Variants in LRCH3 observed in about 807,000 individuals in gnomAD.
LRCH3 encodes the protein DISP complex protein LRCH3.
A neutral mutation model predicts 104.5 loss-of-function variants in LRCH3; 68 were observed. The ratio of observed to expected loss-of-function variants is 0.65; its 90% CI spans 0.54 to 0.80. LRCH3 has a LOEUF of 0.80. Ranked by LOEUF, LRCH3 falls within the 30% of genes least tolerant of loss-of-function variation. LRCH3 has a pLI of 0.00. For synonymous variants in LRCH3, 344 were observed against 361.3 expected (o/e 0.95, Z 0.54); for missense variants, 951 against 953.9 (o/e 1.00, Z 0.04).
chr3:197,844,703 C>T (rs1274518093), intron 10 of LRCH3, among the ~76,000 whole-genome samples: 1 of 152,076 alleles, frequency 6.6e-6, no homozygotes, highest in Non-Finnish European at 1.5e-5. Flanking sequence ...CTGCAACCTC[C>T]ACCTCCCAGG....
chr3:197,856,000 A>G (rs1046786506), intron 14 of LRCH3, among the ~76,000 whole-genome samples: 6 of 152,164 alleles, frequency 3.9e-5, no homozygotes, highest in African/African-American at 7.2e-5. Context: ...CTCGTGCTCT[A>G]CTGCCTCCCT....
At chr3:197,829,020 T>C (rs1016204235) in intron 5 of LRCH3, among the ~76,000 whole-genome samples, 1 of 152,226 alleles carries the variant, frequency 6.6e-6, no homozygotes, top group Admixed American at 6.5e-5. Flanking sequence ...CATATGCTAC[T>C]CTTTATGGCA....
At chr3:197,797,494 A>G (rs1463238317) in intron 1 of LRCH3, among the ~76,000 whole-genome samples, 3 of 152,132 alleles carry the variant, frequency 2.0e-5, no homozygotes, top group Non-Finnish European at 4.4e-5. Flanking sequence ...AAAGGTGGAA[A>G]GAGGAATCAG....
Position 197,791,454 on chromosome 3 carries a change from C to T in LRCH3, c.176C>T (p.Thr59Ile), listed in dbSNP as rs1383657282. Reference protein sequence around the residue: ...LDRALEEAAVTGVLSLSGRKL... With the variant: ...LDRALEEAAVIGVLSLSGRKL... The stretch of plus-strand genomic sequence containing the variant: ...CGAGCCCTGGAGGAGGCGGCGGTCA[C>T]TGGGGTGCTGAGCCTGAGCGGCCGG... The change falls in exon 1 of 21, where the codon ACT becomes ATT. Residue 59 changes from threonine (T) to isoleucine (I), a missense_variant. Coordinates refer to ENST00000425562, the MANE Select transcript of LRCH3 (RefSeq NM_001365715.1). The T allele has an allele frequency of 3.1e-6, 5 of 1,599,436 alleles. No individual in the cohort carries two copies. The South Asian group carries it at 5.6e-5, about 18-fold the overall frequency.
intron 4 of LRCH3, among the ~76,000 whole-genome samples, chr3:197,826,220 A>T (rs1340739217): frequency 1.3e-5 from 2 of 152,198 alleles, no homozygotes; most frequent in African/African-American, 4.8e-5. Flanking sequence ...AAGGCCTTTT[A>T]TATGGGACTG....
chr3:197,801,808 A>C (rs1467195162), intron 1 of LRCH3, among the ~76,000 whole-genome samples: 3 of 152,234 alleles, frequency 2.0e-5, no homozygotes, highest in Admixed American at 6.5e-5. Context: ...GTCTGGACTC[A>C]GCTGAACTCA....
In LRCH3 at chr3:197,886,901, C is replaced by T. The variant is rs1291789862; in HGVS notation, c.*3235C>T. The stretch of plus-strand genomic sequence containing the variant: ...CATAATGCAATACTTGCAACATTTG[C>T]AACTAATTTTCCCATAGGGATAAAT... On this transcript the variant is annotated 3_prime_UTR_variant, in exon 21 of 21. Coordinates refer to ENST00000425562, the MANE Select transcript of LRCH3 (RefSeq NM_001365715.1). 2.0e-5 allele frequency: 3 copies of T among 151,222 alleles called. No individual in the cohort carries two copies. The highest frequency in any genetic ancestry group is 4.4e-5 in the Non-Finnish European group (3 of 67,914). 9.4% of individuals were successfully genotyped at this position (151,222 alleles called of 1,614,324 possible).
At position 197,883,089 on chromosome 3, in the gene LRCH3, A is replaced by C. The variant is rs894909719; in HGVS notation, c.2209-452A>C. On this transcript the variant is annotated intron_variant, in intron 20 of 20. Coordinates refer to ENST00000425562, the MANE Select transcript of LRCH3 (RefSeq NM_001365715.1). This position sits in a 1 kb window ranked among gnomAD's most constrained non-coding sequence, Gnocchi z 4.2. ...TCATGCAGGCTGAGTTATGTTTTCAAACTATCTTTCATTCTTGTGGTAGGG... is the reference window on the plus strand; with the variant it reads ...TCATGCAGGCTGAGTTATGTTTTCACACTATCTTTCATTCTTGTGGTAGGG... 3.9e-5 allele frequency: 38 copies of C among 985,880 alleles called. No individual in the cohort carries two copies. The highest frequency in any genetic ancestry group is 4.1e-5 in the Non-Finnish European group (34 of 830,388). The allele number at this position is 985,880 out of a possible 1,614,324, so 61.1% of individuals were successfully genotyped here.
chr3:197,880,066 C>T (rs1435798575), intron 20 of LRCH3, among the ~76,000 whole-genome samples: 3 of 151,148 alleles, frequency 2.0e-5, no homozygotes, highest in Non-Finnish European at 4.4e-5. Context: ...CTGCCTCAGC[C>T]TCCCGAGTAG....
intron 6 of LRCH3, among the ~76,000 whole-genome samples, chr3:197,830,012 C>CCCT (rs1367538778): frequency 6.6e-6 from 1 of 152,198 alleles, no homozygotes; most frequent in East Asian, 1.9e-4. Context: ...CACCTTGGGG[C>CCCT]CCTCCAGTTG....
chr3:197,839,588 A>C (rs1214851635), intron 10 of LRCH3, among the ~76,000 whole-genome samples, 191 bp downstream of exon 10: 1 of 152,192 alleles, frequency 6.6e-6, no homozygotes, highest in Non-Finnish European at 1.5e-5. Flanking sequence ...AATTGAGACC[A>C]TCTAAATCAT....
chr3:197,829,011 A>G (rs1285446078), intron 5 of LRCH3, among the ~76,000 whole-genome samples: 2 of 152,178 alleles, frequency 1.3e-5, no homozygotes, highest in African/African-American at 4.8e-5. Flanking sequence ...GCCCGGCGGC[A>G]TATGCTACTC....
Position 197,833,365 on chromosome 3 carries a change from GAAAAAAAAAAA to G in LRCH3, c.1102+1064_1102+1074del, listed in dbSNP as rs71166710. On this transcript the variant is annotated intron_variant, in intron 8 of 20. Coordinates refer to ENST00000425562, the MANE Select transcript of LRCH3 (RefSeq NM_001365715.1). ...TGAAACCCCATCTCTACTAAAAACC[GAAAAAAAAAAA>G]AAAAAAAAAAAAAAAGCAGGGCATA... Among the ~76,000 whole-genome samples, 275 of 33,340 alleles carry G rather than the reference GAAAAAAAAAAA, an allele frequency of 8.2e-3. 2 individuals are homozygous for G. The highest frequency in any genetic ancestry group is 0.01 in the Non-Finnish European group (216 of 20,718). 21.9% of individuals were successfully genotyped at this position (33,340 alleles called of 152,430 possible). A position where few individuals can be genotyped will look rare whatever the true frequency, so the allele number is the denominator to read the frequency against.
chr3:197,866,128 A>T lies in LRCH3; in HGVS notation c.1782A>T (p.Ala594=), dbSNP rs138892467. Residue 594 remains alanine (A), a synonymous_variant, in exon 17 of 21, where the codon GCA becomes GCT. Transcript: ENST00000425562. ...CTAATTTAGTTCATCATTCCCCTGC[A>T]TATTCTTTTCCTGCTGCTATCCAGA... is the stretch of plus-strand genomic sequence containing the variant. The part of the protein sequence containing the change: ...PATETVHHSP[A]YSFPAAIQRN... 6.2e-7 allele frequency: 1 copy of T among 1,613,244 alleles called. No homozygotes were observed. The highest frequency in any genetic ancestry group is 8.5e-7 in the Non-Finnish European group (1 of 1,179,274).
chr3:197,825,728 C>CTCG (rs1057407382), intron 4 of LRCH3, among the ~76,000 whole-genome samples: 4 of 151,916 alleles, frequency 2.6e-5, no homozygotes, highest in African/African-American at 9.7e-5. Flanking sequence ...ATCCGCCTGC[C>CTCG]TCGGCCTCCC....
In LRCH3 at chr3:197,813,439, A is replaced by T. The variant is rs537617574; in HGVS notation, c.263-1469A>T. 5.3e-4 allele frequency among the ~76,000 whole-genome samples: 80 copies of T among 151,112 alleles called. 1 individual carries two copies. The highest frequency in any genetic ancestry group is 6.0e-4 in the Non-Finnish European group (41 of 67,844). ...AAGTTTGCAAGTGATCCAGATGCTT[A>T]ATCAGACTCAGGTTCTGTTCCTTTG... is the stretch of plus-strand genomic sequence containing the variant. On this transcript the variant is annotated intron_variant, in intron 1 of 20. Coordinates refer to ENST00000425562, the MANE Select transcript of LRCH3 (RefSeq NM_001365715.1).
chr3:197,882,738 A>G (rs1036724755), intron 20 of LRCH3: 18 of 985,338 alleles, frequency 1.8e-5, no homozygotes, highest in Non-Finnish European at 2.2e-5. Flanking sequence ...TTAACGATGC[A>G]CACATTAAGG....
At position 197,879,478 on chromosome 3, in the gene LRCH3, C is replaced by T. The variant is rs4276236; in HGVS notation, c.2208+3703C>T. ...TGGCTAACATGGTGAAACCCCGTCTCTACTAAAAATACAAAAAATTAGCCG... is the reference window on the plus strand; with the variant it reads ...TGGCTAACATGGTGAAACCCCGTCTTTACTAAAAATACAAAAAATTAGCCG... On this transcript the variant is annotated intron_variant, in intron 20 of 20. Coordinates refer to ENST00000425562, the MANE Select transcript of LRCH3 (RefSeq NM_001365715.1). Among the ~76,000 whole-genome samples, 699 of 149,266 alleles carry T rather than the reference C, an allele frequency of 4.7e-3. 3 individuals carry two copies. Among genetic ancestry groups the T allele is most frequent in the Non-Finnish European group, 7.0e-3 (477 of 67,892 alleles).
Position 197,791,539 on chromosome 3 carries a change from G to A in LRCH3, c.261G>A (p.Ala87=). The A allele has an allele frequency of 6.4e-7, 1 of 1,573,640 alleles. No individual in the cohort carries two copies. The highest frequency in any genetic ancestry group is 1.2e-5 in the South Asian group (1 of 86,502). The change falls in exon 1 of 21, where the codon GCG becomes GCA. Residue 87 remains alanine, a splice_region_variant and synonymous_variant. Coordinates refer to ENST00000425562, the MANE Select transcript of LRCH3 (RefSeq NM_001365715.1). ...ACGACCTGACGGACACCACCCGGGC[G>A]GGTGAGCGGGGCGGGGGGCGTCTCT... ...ANHDLTDTTR[A]DLSRNRLSEI...
Sources: allele counts gnomAD v4.1 joint callset (sites outside exome capture counted in the v4.1 genomes callset), GRCh38; gene constraint gnomAD v4.1.1; non-coding constraint Gnocchi (gnomAD v3.1); transcripts MANE v1.5; gene names NCBI Gene and HGNC (gene_info 2026-07-23, HGNC 2026-07-21).